Variants in CAST observed in about 807,000 individuals in gnomAD.
CAST encodes the protein MIR583 host.
Under a neutral mutation model 119.6 loss-of-function variants are expected in CAST, and 76 were observed. That is an observed-to-expected ratio of 0.64 (90% CI 0.53 to 0.77). The LOEUF is 0.77. Among genes scored for constraint, CAST ranks in the 30% least tolerant of loss-of-function variants. The pLI is 0.00. For missense variants in CAST, 953 were observed against 946.5 expected (o/e 1.01, Z -0.09); for synonymous variants, 319 against 331.6 (o/e 0.96, Z 0.41).
chr5:96,371,752 A>G, the CAST span, among the ~76,000 whole-genome samples: 2 of 152,170 alleles, frequency 1.3e-5, no homozygotes, highest in African/African-American at 4.8e-5. Context: ...AGCCTAGACA[A>G]CCAGTCTATA....
At chr5:96,179,699 C>CGA in the CAST span, among the ~76,000 whole-genome samples, 5 of 152,246 alleles carry the variant, frequency 3.3e-5, no homozygotes, top group East Asian at 7.7e-4. Flanking sequence ...TGCAGGAGCA[C>CGA]GAGAGCACTT....
At chr5:96,383,438 C>A in the CAST span, among the ~76,000 whole-genome samples, 3 of 151,842 alleles carry the variant, frequency 2.0e-5, no homozygotes, top group African/African-American at 4.8e-5. Flanking sequence ...CCATGCTAAG[C>A]ATTTTGATTT....
At chr5:96,091,096 G>A in the CAST span, among the ~76,000 whole-genome samples, 1 of 152,162 alleles carries the variant, frequency 6.6e-6, no homozygotes, top group African/African-American at 2.4e-5. Context: ...TGTTTGTAGT[G>A]TAGGGTTGGG....
chr5:96,271,644 A>G, the CAST span, among the ~76,000 whole-genome samples: 8 of 150,594 alleles, frequency 5.3e-5, no homozygotes, highest in African/African-American at 7.5e-5. Flanking sequence ...AAACTATGAA[A>G]CCACTAGGAA....
chr5:96,747,848 C>CGGTA (rs1764105979), intron 18 of CAST, among the ~76,000 whole-genome samples: 1 of 152,126 alleles, frequency 6.6e-6, no homozygotes, highest in Non-Finnish European at 1.5e-5. Context: ...TGAATGAGGA[C>CGGTA]GGTACTGTTA....
chr5:95,989,420 A>G, the CAST span, among the ~76,000 whole-genome samples: 1 of 152,180 alleles, frequency 6.6e-6, no homozygotes, highest in African/African-American at 2.4e-5. Flanking sequence ...CAGTGAGTAG[A>G]AAGTGCTGTC....
At chr5:96,271,547 T>C in the CAST span, among the ~76,000 whole-genome samples, 2 of 151,342 alleles carry the variant, frequency 1.3e-5, no homozygotes, top group Non-Finnish European at 2.9e-5. Context: ...TGGATAACCA[T>C]ATGCAGAAGA....
At chr5:96,453,591 A>G in the CAST span, among the ~76,000 whole-genome samples, 1 of 152,232 alleles carries the variant, frequency 6.6e-6, no homozygotes, top group Non-Finnish European at 1.5e-5. Flanking sequence ...GAAGAGATCC[A>G]GTGTGGTTTT....
At chr5:96,211,620 C>T in the CAST span, among the ~76,000 whole-genome samples, 1 of 151,770 alleles carries the variant, frequency 6.6e-6, no homozygotes, top group Non-Finnish European at 1.5e-5. Context: ...TACTATCTCC[C>T]TATGATTTTG....
the CAST span, among the ~76,000 whole-genome samples, chr5:96,043,680 G>T: frequency 6.6e-6 from 1 of 152,154 alleles, no homozygotes; most frequent in Non-Finnish European, 1.5e-5. Flanking sequence ...GAAGAATGAA[G>T]AAACCTTTTT....
the CAST span, among the ~76,000 whole-genome samples, chr5:95,982,311 T>TTG: frequency 9.3e-3 from 1,380 of 148,650 alleles, 10 homozygotes; most frequent in South Asian, 0.013. Flanking sequence ...TTGTATTCAA[T>TTG]TGTGTGTGTG....
In CAST at chr5:96,602,827, C is replaced by G. The variant is rs188985802; in HGVS notation, c.61-72712C>G. On this transcript the variant is annotated intron_variant, in intron 1 of 11. Coordinates refer to the CAST transcript ENST00000505143. ...TTTTGTTTAAGGTGGTGAAGGAAAG[C>G]CTTTCTGAGAAAGAGGCATTTGGGT... Among the ~76,000 whole-genome samples the G allele has an allele frequency of 7.9e-5, 12 of 152,220 alleles. No homozygotes were observed. In the East Asian group the frequency reaches 2.1e-3, roughly 27 times the overall value.
intron 1 of CAST, among the ~76,000 whole-genome samples, chr5:96,634,040 G>C (rs1747855818): frequency 6.6e-6 from 1 of 152,108 alleles, no homozygotes; most frequent in Non-Finnish European, 1.5e-5. Context: ...ATGTCTCTGG[G>C]TTCAGTCTAG....
intron 1 of CAST, among the ~76,000 whole-genome samples, chr5:96,568,985 G>A (rs772689626): frequency 2.0e-5 from 3 of 152,142 alleles, no homozygotes; most frequent in Admixed American, 1.3e-4. Context: ...CAGCAGCTAC[G>A]CTCTGCTCAG....
the CAST span, among the ~76,000 whole-genome samples, chr5:96,036,054 A>G: frequency 2.6e-5 from 4 of 151,908 alleles, no homozygotes; most frequent in African/African-American, 9.7e-5. Flanking sequence ...AAGATAGGGA[A>G]GATCTCCAAG....
chr5:96,179,951 G>A, the CAST span, among the ~76,000 whole-genome samples: 1 of 152,038 alleles, frequency 6.6e-6, no homozygotes, highest in Non-Finnish European at 1.5e-5. Context: ...CAGGAGAATG[G>A]CAGGAACCCG....
the CAST span, among the ~76,000 whole-genome samples, chr5:95,963,725 CTT>C: frequency 4.6e-4 from 60 of 129,954 alleles, no homozygotes; most frequent in African/African-American, 1.1e-3. Flanking sequence ...TTCTCTCTCT[CTT>C]TTTTTTTTTT....
chr5:96,449,849 G>C, the CAST span, among the ~76,000 whole-genome samples: 1 of 152,126 alleles, frequency 6.6e-6, no homozygotes, highest in East Asian at 1.9e-4. Flanking sequence ...CATCATCAAG[G>C]ATTCTCTTAC....
At chr5:96,637,436 G>A (rs974329334) in intron 1 of CAST, among the ~76,000 whole-genome samples, 5 of 152,160 alleles carry the variant, frequency 3.3e-5, no homozygotes, top group Non-Finnish European at 5.9e-5. Context: ...TCCATTTTCA[G>A]TAATTCTAGT....
Sources: allele counts gnomAD v4.1 joint callset (sites outside exome capture counted in the v4.1 genomes callset), GRCh38; gene constraint gnomAD v4.1.1; transcripts MANE v1.5; gene names NCBI Gene and HGNC (gene_info 2026-07-23, HGNC 2026-07-21).